The following ARHGEF3 variants were observed in gnomAD, a reference collection of about 807,000 sequenced individuals.
The protein encoded by ARHGEF3 is 59.8 kDA protein.
Under a neutral mutation model 63.2 loss-of-function variants are expected in ARHGEF3, and 28 were observed. That is an observed-to-expected ratio of 0.44 (90% CI 0.33 to 0.61). The LOEUF is 0.61. Ranked by LOEUF, ARHGEF3 falls within the 20% of genes least tolerant of loss-of-function variation. ARHGEF3 has a pLI of 0.03. For missense variants in ARHGEF3, 533 were observed against 659.3 expected (o/e 0.81, Z 2.10); for synonymous variants, 266 against 254.2 (o/e 1.05, Z -0.44).
chr3:57,055,184 C>T (rs1156528294), intron 1 of ARHGEF3, among the ~76,000 whole-genome samples: 16 of 126,406 alleles, frequency 1.3e-4, no homozygotes, highest in African/African-American at 2.1e-4. Flanking sequence ...TTTTTTGAGA[C>T]GAAGTCCAAC....
chr3:56,921,897 T>C (rs536624451), intron 3 of ARHGEF3, among the ~76,000 whole-genome samples: 2 of 152,348 alleles, frequency 1.3e-5, no homozygotes, highest in South Asian at 2.1e-4. Context: ...TGCTGGAACA[T>C]GGAAGTCTCA....
chr3:56,995,507 A>G (rs1231586515), intron 2 of ARHGEF3, among the ~76,000 whole-genome samples: 1 of 152,084 alleles, frequency 6.6e-6, no homozygotes, highest in Non-Finnish European at 1.5e-5. Context: ...TCTTTGTGGC[A>G]CCCAGCAAAC....
At chr3:56,775,272 G>A in intron 1 of ARHGEF3, 2 of 1,273,716 alleles carry the variant, frequency 1.6e-6, no homozygotes, top group Non-Finnish European at 2.0e-6. Flanking sequence ...TTGGAATCCT[G>A]CTGAGACACT....
chr3:57,006,029 C>T (rs1702453658), intron 2 of ARHGEF3, among the ~76,000 whole-genome samples: 1 of 152,182 alleles, frequency 6.6e-6, no homozygotes, highest in African/African-American at 2.4e-5. Flanking sequence ...TGTAACACTG[C>T]ACCCACATAA....
intron 3 of ARHGEF3, among the ~76,000 whole-genome samples, chr3:56,907,680 T>C (rs1578814400): frequency 6.6e-6 from 1 of 152,196 alleles, no homozygotes; most frequent in African/African-American, 2.4e-5. Flanking sequence ...TGGAATACTA[T>C]GCAGCCATAA....
chr3:56,938,299 T>C (rs954761261), intron 3 of ARHGEF3, among the ~76,000 whole-genome samples: 1 of 152,208 alleles, frequency 6.6e-6, no homozygotes, highest in African/African-American at 2.4e-5. Flanking sequence ...TTCACACTTA[T>C]ATAGGGCAGC....
chr3:57,069,274 C>T (rs1372676887), intron 1 of ARHGEF3, among the ~76,000 whole-genome samples: 1 of 152,050 alleles, frequency 6.6e-6, no homozygotes, highest in Non-Finnish European at 1.5e-5. Context: ...ATGTAAGTTT[C>T]TCTTCTCCCA....
chr3:57,054,705 G>A (rs1217091247), intron 1 of ARHGEF3, among the ~76,000 whole-genome samples: 1 of 146,138 alleles, frequency 6.8e-6, no homozygotes, highest in Non-Finnish European at 1.5e-5. Context: ...GTGCAGTAGT[G>A]CAGTGGCGCA....
chr3:56,768,138 C>T (rs1336948562), intron 2 of ARHGEF3, among the ~76,000 whole-genome samples: 1 of 152,116 alleles, frequency 6.6e-6, no homozygotes, highest in Non-Finnish European at 1.5e-5. Flanking sequence ...CTCGCTGTGA[C>T]CTCTGCCTTC....
chr3:57,002,500 A>ATATATATATATATATATATATATGT (rs1702276506), intron 2 of ARHGEF3, among the ~76,000 whole-genome samples: 42 of 60,102 alleles, frequency 7.0e-4, no homozygotes, highest in African/African-American at 2.2e-3. Context: ...TATATATGTT[A>ATATATATATATATATATATATATGT]TATATATATA....
intron 3 of ARHGEF3, among the ~76,000 whole-genome samples, chr3:56,911,957 A>G (rs1323071161): frequency 6.6e-6 from 1 of 151,342 alleles, no homozygotes; most frequent in Non-Finnish European, 1.5e-5. Context: ...TTACATATAT[A>G]TATACACACA....
chr3:56,808,123 CAAA>C (rs201541052), intron 4 of ARHGEF3, among the ~76,000 whole-genome samples: 16 of 114,764 alleles, frequency 1.4e-4, no homozygotes, highest in Admixed American at 1.8e-4. Context: ...GACTCTGTCT[CAAA>C]AAAAAAAAAA....
At chr3:56,891,409 G>A (rs1025631661) in intron 3 of ARHGEF3, among the ~76,000 whole-genome samples, 2 of 149,544 alleles carry the variant, frequency 1.3e-5, no homozygotes, top group African/African-American at 2.5e-5. Flanking sequence ...AGGAACCCCA[G>A]TCCTTTTTTC....
intron 2 of ARHGEF3, among the ~76,000 whole-genome samples, chr3:57,033,435 T>G (rs1260331896): frequency 1.3e-5 from 2 of 149,036 alleles, no homozygotes; most frequent in Non-Finnish European, 3.0e-5. Context: ...AAAAAAAATG[T>G]AGATTCACAT....
chr3:56,862,489 C>T (rs1409894782), intron 4 of ARHGEF3, among the ~76,000 whole-genome samples: 2 of 152,174 alleles, frequency 1.3e-5, no homozygotes, highest in Admixed American at 1.3e-4. Flanking sequence ...GTCAACAGGG[C>T]TGCTCTTGTT....
chr3:57,023,282 C>T (rs889339085), intron 2 of ARHGEF3, among the ~76,000 whole-genome samples: 1 of 152,172 alleles, frequency 6.6e-6, no homozygotes. Context: ...GATCCACTCT[C>T]AATTCTACCA....
At chr3:57,042,722 A>T (rs1704276858) in intron 1 of ARHGEF3, among the ~76,000 whole-genome samples, 3 of 89,756 alleles carry the variant, frequency 3.3e-5, no homozygotes, top group African/African-American at 4.1e-5. Flanking sequence ...TTTTAGACGG[A>T]GTCTCGCTCT....
intron 1 of ARHGEF3, among the ~76,000 whole-genome samples, chr3:57,072,629 C>T (rs1450839711): frequency 2.0e-5 from 3 of 150,118 alleles, no homozygotes; most frequent in Non-Finnish European, 4.4e-5. Flanking sequence ...GTAGTCCCAG[C>T]TACTAGGGAG....
chr3:57,008,184 A>C (rs2107081045), intron 2 of ARHGEF3, among the ~76,000 whole-genome samples: 1 of 152,326 alleles, frequency 6.6e-6, no homozygotes, highest in African/African-American at 2.4e-5. Flanking sequence ...CTTCAGCAAA[A>C]TTAAATCTGT....
Sources: gnomAD v4.1 joint callset for allele counts (sites outside exome capture counted in the v4.1 genomes callset) on GRCh38, gnomAD v4.1.1 for gene constraint, MANE v1.5 for transcripts, NCBI Gene and HGNC (gene_info 2026-07-23, HGNC 2026-07-21) for gene names.